The following NHLH2 variants were observed in gnomAD, a reference collection of about 807,000 sequenced individuals.
NHLH2 encodes nescient helix-loop-helix 2, also known as helix-loop-helix protein 2.
A neutral mutation model predicts 7.3 loss-of-function variants in NHLH2; 7 were observed. The observed-to-expected ratio is 0.96, with a 90% CI of 0.55 to 1.81. The LOEUF (loss-of-function observed/expected upper bound fraction) is 1.81. Among genes scored for constraint, NHLH2 ranks in the 40% most tolerant of loss-of-function variants. NHLH2 has a pLI of 0.00. For synonymous variants in NHLH2, 93 were observed against 91.6 expected (o/e 1.01, Z -0.09); for missense variants, 155 against 194.0 (o/e 0.80, Z 1.19).
chr1:115,837,962 G>A lies in NHLH2; in HGVS notation c.*3C>T, dbSNP rs1260027692. On this transcript the variant is annotated 3_prime_UTR_variant, in exon 3 of 3. Coordinates refer to ENST00000320238, the MANE Select transcript of NHLH2 (RefSeq NM_005599.3). ...CAGGCGGCCCCCCGCGGCGCACCCC[G>A]CCCTACACGTCCAGGACGTGGTTGA... 2 of 1,594,764 alleles carry A rather than the reference G, an allele frequency of 1.3e-6. No individual in the cohort carries two copies. The highest frequency in any genetic ancestry group is 1.7e-6 in the Non-Finnish European group (2 of 1,172,620).
Position 115,838,202 on chromosome 1 carries a change from G to A in NHLH2, c.171C>T (p.Tyr57=). The A allele has an allele frequency of 6.4e-7, 1 of 1,565,492 alleles. No homozygotes were observed. The change falls in exon 3 of 3, where the codon TAC becomes TAT. Residue 57 remains tyrosine (Y), a synonymous_variant. Coordinates refer to ENST00000320238, the MANE Select transcript of NHLH2 (RefSeq NM_005599.3). ...DGKGGSRAAL[Y]PHPQQLSREE... The stretch of plus-strand genomic sequence containing the variant: ...CGCGGCTCAGCTGCTGCGGGTGCGG[G>A]TAGAGCGCGGCTCGGCTGCCGCCCT...
chr1:115,834,599 A>T (rs1247797612), downstream of NHLH2, among the ~76,000 whole-genome samples: 1 of 152,186 alleles, frequency 6.6e-6, no homozygotes, highest in African/African-American at 2.4e-5. Context: ...GGCAGAGGGT[A>T]CCAATGTATT....
At position 115,837,032 on chromosome 1, in the gene NHLH2, A is replaced by T. The variant is rs1650889568; in HGVS notation, c.*933T>A. The T allele has an allele frequency of 6.6e-6, 1 of 152,498 alleles. No homozygotes were observed. Among genetic ancestry groups the T allele is most frequent in the Non-Finnish European group, 1.5e-5 (1 of 68,038 alleles). 9.4% of individuals were successfully genotyped at this position (152,498 alleles called of 1,614,324 possible). ...TTAGACATAATTATTCCACAGGAAA[A>T]AGTGTAAACACTTGACTATAAATAA... On this transcript the variant is annotated 3_prime_UTR_variant, in exon 3 of 3. Transcript: ENST00000320238.
rs913147796 is a variant in NHLH2 at position 115,840,319 on chromosome 1, A to T, written c.-112T>A. On this transcript the variant is annotated 5_prime_UTR_variant, in exon 2 of 3. Transcript: ENST00000320238. ...AAAATATTAAAAGCAGCAAATATTT[A>T]TTACATTCAAAAATGAAAAAGCAGC... The T allele has an allele frequency of 1.2e-5, 2 of 167,092 alleles. No individual in the cohort carries two copies. Among genetic ancestry groups the T allele is most frequent in the African/African-American group, 4.8e-5 (2 of 41,458 alleles). The allele number at this position is 167,092 out of a possible 1,614,324, so 10.4% of individuals were successfully genotyped here.
At chr1:115,839,786 T>C (rs1337349591) in intron 2 of NHLH2, 1 of 166,932 alleles carries the variant, frequency 6.0e-6, no homozygotes, top group Non-Finnish European at 1.5e-5. Context: ...GGTGATCGGT[T>C]CCCAGCACCG....
At chr1:115,833,971 G>A (rs1235491066), downstream of NHLH2, among the ~76,000 whole-genome samples, 2 of 152,158 alleles carry the variant, frequency 1.3e-5, no homozygotes, top group Admixed American at 6.5e-5. Flanking sequence ...TAGTGCTCTG[G>A]TGATACGTGT....
At chr1:115,840,112 C>G (rs753768466) in intron 2 of NHLH2, 104 bp downstream of exon 2, 59 of 166,814 alleles carry the variant, frequency 3.5e-4, no homozygotes, top group Non-Finnish European at 5.4e-4. Context: ...AATAGTATGC[C>G]GTGTATGCGT....
At chr1:115,838,489 G>A in intron 2 of NHLH2, 109 bp from the exon 3 acceptor site, 2 of 1,305,514 alleles carry the variant, frequency 1.5e-6, no homozygotes, top group East Asian at 2.6e-5. Flanking sequence ...CGCGGCCCGG[G>A]CCCCCTCCCC....
intron 2 of NHLH2, chr1:115,839,958 C>T (rs1326677330): frequency 6.0e-6 from 1 of 167,076 alleles, no homozygotes; most frequent in African/African-American, 2.4e-5. Context: ...TGCACCTACA[C>T]AGTCAGCTTG....
chr1:115,834,842 TC>T (rs1433597380), downstream of NHLH2, among the ~76,000 whole-genome samples: 1 of 152,196 alleles, frequency 6.6e-6, no homozygotes, highest in African/African-American at 2.4e-5. Flanking sequence ...ACACAGTGGG[TC>T]CTCAATAAAC....
chr1:115,833,247 T>C (rs1392752440), downstream of NHLH2, among the ~76,000 whole-genome samples: 1 of 152,146 alleles, frequency 6.6e-6, no homozygotes, highest in African/African-American at 2.4e-5. Flanking sequence ...GGGCCACCAT[T>C]ATCCTATAGT....
intron 2 of NHLH2, chr1:115,839,234 G>T (rs1570909507): frequency 6.0e-6 from 1 of 167,320 alleles, no homozygotes. Context: ...CGGCAGCCGG[G>T]CCGCTGAGGG....
chr1:115,837,649 T>C lies in NHLH2; in HGVS notation c.*316A>G. Reference sequence around the variant, plus strand: ...ATGTAGGAGAACTCAAAGTCTCCAGTGGGTTAAAACCACAACCCTTGGGGA... The same window carrying C: ...ATGTAGGAGAACTCAAAGTCTCCAGCGGGTTAAAACCACAACCCTTGGGGA... On this transcript the variant is annotated 3_prime_UTR_variant, in exon 3 of 3. Transcript: ENST00000320238. The C allele has an allele frequency of 2.8e-6, 1 of 360,010 alleles. No individual in the cohort carries two copies. 22.3% of individuals were successfully genotyped at this position (360,010 alleles called of 1,614,324 possible). A position where few individuals can be genotyped will look rare whatever the true frequency, so the allele number is the denominator to read the frequency against.
At chr1:115,832,970 A>G (rs986704961), downstream of NHLH2, among the ~76,000 whole-genome samples, 1 of 152,220 alleles carries the variant, frequency 6.6e-6, no homozygotes, top group African/African-American at 2.4e-5. Flanking sequence ...CCGAGTTTGC[A>G]GGAATATTTA....
chr1:115,834,103 T>G (rs911465645), downstream of NHLH2, among the ~76,000 whole-genome samples: 3 of 152,184 alleles, frequency 2.0e-5, no homozygotes, highest in Non-Finnish European at 4.4e-5. Context: ...TCCTCTCTCC[T>G]CAGTCGGCCC....
chr1:115,839,418 A>G (rs568930768), intron 2 of NHLH2: 3 of 166,748 alleles, frequency 1.8e-5, no homozygotes, highest in African/African-American at 7.2e-5. Context: ...TGGCCTGGCC[A>G]AGTCCGGGCA....
intron 2 of NHLH2, 89 bp from the exon 3 acceptor site, chr1:115,838,469 C>T (rs1650949762): frequency 3.5e-6 from 5 of 1,445,252 alleles, no homozygotes; most frequent in South Asian, 1.2e-5. Flanking sequence ...GCCGGTCCTC[C>T]CAGCGGACGC....
rs537332315 is a variant in NHLH2 at position 115,837,779 on chromosome 1, C to T, written c.*186G>A. 1.2e-4 allele frequency: 79 copies of T among 643,158 alleles called. No homozygotes were observed. The African/African-American group carries it at 1.5e-3, about 12-fold the overall frequency. 39.8% of individuals were successfully genotyped at this position (643,158 alleles called of 1,614,324 possible). On this transcript the variant is annotated 3_prime_UTR_variant, in exon 3 of 3. Coordinates refer to ENST00000320238, the MANE Select transcript of NHLH2 (RefSeq NM_005599.3). ...GCCAGACAACCCCACCTGCCTGCGT[C>T]GGAAACCTTCCCTCGTCGCCCTGCT...
At chr1:115,835,780 C>T (rs926607252), downstream of NHLH2, among the ~76,000 whole-genome samples, 1 of 152,202 alleles carries the variant, frequency 6.6e-6, no homozygotes, top group African/African-American at 2.4e-5. Flanking sequence ...ATACATTTCG[C>T]ATTTTTATAC....
Sources: gnomAD v4.1 joint callset for allele counts (sites outside exome capture counted in the v4.1 genomes callset) on GRCh38, gnomAD v4.1.1 for gene constraint, MANE v1.5 for transcripts, NCBI Gene and HGNC (gene_info 2026-07-23, HGNC 2026-07-21) for gene names.